The following MECOM variants were observed in gnomAD, a reference collection of about 807,000 sequenced individuals.
The protein encoded by MECOM is MDS1 and EVI1 complex locus, also known as histone-lysine N-methyltransferase MECOM.
Under a neutral mutation model 116.3 loss-of-function variants are expected in MECOM, and 13 were observed. The observed-to-expected ratio is 0.11, with a 90% confidence interval of 0.07 to 0.18. The LOEUF is 0.18. Ranked by LOEUF, MECOM falls within the 10% of genes least tolerant of loss-of-function variation. The pLI is 1.00. For synonymous variants in MECOM, 528 were observed against 535.2 expected, an observed-to-expected ratio of 0.99 and a Z score of 0.19; for missense variants, 1,299 against 1,509.0, an observed-to-expected ratio of 0.86 and a Z score of 2.31.
At chr3:169,646,761 T>C (rs1774243472) in intron 1 of MECOM, among the ~76,000 whole-genome samples, 1 of 152,228 alleles carries the variant, frequency 6.6e-6, no homozygotes. Flanking sequence ...AATCTGAATC[T>C]AGCACCATCT....
intron 2 of MECOM, among the ~76,000 whole-genome samples, chr3:169,209,046 T>A (rs1302375222): frequency 6.6e-6 from 1 of 151,974 alleles, no homozygotes; most frequent in African/African-American, 2.4e-5. Context: ...ACACTACACA[T>A]CTATAACCAT....
rs372892776 is a variant in MECOM at position 169,244,290 on chromosome 3, G to T, written c.376-100458C>A. 2.6e-5 allele frequency among the ~76,000 whole-genome samples: 4 copies of T among 152,290 alleles called. No individual in the cohort carries two copies. The East Asian group carries it at 7.7e-4, about 29-fold the overall frequency. On this transcript the variant is annotated intron_variant, in intron 2 of 16. Transcript: ENST00000651503. Reference sequence around the variant, plus strand: ...AGATTAATTTGAACCTAATGTTGCCGTCGTTTACTGCTGCAAATGTTCTGG... The same window carrying T: ...AGATTAATTTGAACCTAATGTTGCCTTCGTTTACTGCTGCAAATGTTCTGG...
intron 1 of MECOM, among the ~76,000 whole-genome samples, chr3:169,551,496 A>C (rs1761402914): frequency 6.6e-6 from 1 of 152,344 alleles, no homozygotes; most frequent in South Asian, 2.1e-4. Flanking sequence ...AAATACTCTG[A>C]AGTGTTTGTG....
At chr3:169,470,502 G>A (rs1184297567) in intron 1 of MECOM, among the ~76,000 whole-genome samples, 1 of 152,148 alleles carries the variant, frequency 6.6e-6, no homozygotes, top group Non-Finnish European at 1.5e-5. Flanking sequence ...GCTCACTGCT[G>A]GAAGAATAAC....
chr3:169,175,857 G>C (rs912258758), intron 2 of MECOM, among the ~76,000 whole-genome samples: 2 of 151,990 alleles, frequency 1.3e-5, no homozygotes, highest in African/African-American at 4.8e-5. Context: ...CAAACATCTC[G>C]ACATGGCTTT....
chr3:169,133,081 C>T (rs187149586), intron 3 of MECOM, among the ~76,000 whole-genome samples: 1 of 150,686 alleles, frequency 6.6e-6, no homozygotes, highest in African/African-American at 2.5e-5. Flanking sequence ...CCAAAAAAGT[C>T]CAGATTCTAA....
intron 2 of MECOM, among the ~76,000 whole-genome samples, chr3:169,281,111 C>G (rs774214030): frequency 3.3e-5 from 5 of 152,300 alleles, no homozygotes; most frequent in Non-Finnish European, 7.3e-5. Context: ...TGTTGCCACT[C>G]AAAGTGTGAT....
chr3:169,433,635 GAAAGAGAAAGAA>G (rs1449185811), intron 1 of MECOM, among the ~76,000 whole-genome samples: 11 of 86,420 alleles, frequency 1.3e-4, no homozygotes, highest in Non-Finnish European at 2.5e-4. Context: ...GAAAGAAAGA[GAAAGAGAAAGAA>G]AGAAAGAAAG....
At chr3:169,570,133 A>G (rs898657583) in intron 1 of MECOM, among the ~76,000 whole-genome samples, 5 of 152,200 alleles carry the variant, frequency 3.3e-5, no homozygotes, top group African/African-American at 1.2e-4. Context: ...AATAGACACA[A>G]TAAAAAATTA....
At chr3:169,562,139 C>CAAAAAAAAAAAAAAAAAAAAAAGAGA (rs1762708698) in intron 1 of MECOM, among the ~76,000 whole-genome samples, 1 of 25,282 alleles carries the variant, frequency 4.0e-5, no homozygotes, top group African/African-American at 1.4e-4. Flanking sequence ...GAGCAATACT[C>CAAAAAAAAAAAAAAAAAAAAAAGAGA]AAAAAAAAAA....
intron 1 of MECOM, among the ~76,000 whole-genome samples, chr3:169,399,440 C>T (rs764684071): frequency 5.3e-5 from 8 of 152,134 alleles, no homozygotes; most frequent in East Asian, 1.9e-4. Context: ...AAGTAAGTGA[C>T]GTGTCAACTT....
chr3:169,594,170 A>AAAAAAAAAAAAAAACC (rs1553894632), intron 1 of MECOM, among the ~76,000 whole-genome samples: 68 of 119,394 alleles, frequency 5.7e-4, no homozygotes, highest in African/African-American at 2.6e-3. Context: ...AAAAAAAAAA[A>AAAAAAAAAAAAAAACC]AAAAAACACC....
intron 2 of MECOM, among the ~76,000 whole-genome samples, chr3:169,278,234 C>T (rs1759854124): frequency 6.6e-6 from 1 of 152,202 alleles, no homozygotes; most frequent in African/African-American, 2.4e-5. Flanking sequence ...TAGCCTTAAG[C>T]CTCCTGACAT....
intron 9 of MECOM, among the ~76,000 whole-genome samples, chr3:169,109,100 A>C (rs1726436093): frequency 6.6e-6 from 1 of 152,188 alleles, no homozygotes; most frequent in Non-Finnish European, 1.5e-5. Context: ...AAAGGATCCA[A>C]AATAGGAACA....
chr3:169,463,840 C>T (rs577897605), intron 1 of MECOM: 1 of 152,260 alleles, frequency 6.6e-6, no homozygotes, highest in East Asian at 1.9e-4. Flanking sequence ...TGTCAGATAT[C>T]AAGTGCAGAT....
At chr3:169,208,509 T>A (rs1045807858) in intron 2 of MECOM, among the ~76,000 whole-genome samples, 4 of 151,800 alleles carry the variant, frequency 2.6e-5, no homozygotes, top group African/African-American at 9.7e-5. Context: ...ATAAATAATG[T>A]CAATCTAATA....
At chr3:169,490,330 T>C (rs984603054) in intron 1 of MECOM, among the ~76,000 whole-genome samples, 1 of 152,152 alleles carries the variant, frequency 6.6e-6, no homozygotes, top group Non-Finnish European at 1.5e-5. Flanking sequence ...AACCCAGCAA[T>C]TTCAATTCAA....
chr3:169,273,936 G>C (rs1344508607), intron 2 of MECOM, among the ~76,000 whole-genome samples: 1 of 143,410 alleles, frequency 7.0e-6, no homozygotes, highest in East Asian at 2.0e-4. Flanking sequence ...TTTTGAGATG[G>C]AGTATCATTC....
intron 2 of MECOM, among the ~76,000 whole-genome samples, chr3:169,239,821 G>A (rs889184834): frequency 1.7e-4 from 26 of 152,064 alleles, no homozygotes; most frequent in African/African-American, 5.8e-4. Flanking sequence ...GAAACTTTGA[G>A]GCGAAATAGG....
Sources: gnomAD v4.1 joint callset for allele counts (sites outside exome capture counted in the v4.1 genomes callset) on GRCh38, gnomAD v4.1.1 for gene constraint, MANE v1.5 for transcripts, NCBI Gene and HGNC (gene_info 2026-07-23, HGNC 2026-07-21) for gene names.